Variants in TTC7B observed in about 807,000 individuals in gnomAD.
TTC7B encodes tetratricopeptide repeat protein 7B.
TTC7B carries 28 observed loss-of-function variants against 106.8 expected under a neutral mutation model. That is an observed-to-expected ratio of 0.26 (90% CI 0.19 to 0.36). The LOEUF is 0.36. Ranked by LOEUF, TTC7B falls within the 10% of genes least tolerant of loss-of-function variation. The pLI, the probability that TTC7B is intolerant of heterozygous loss-of-function variation, is 1.00. For missense variants in TTC7B, 862 were observed against 1,076.4 expected, an observed-to-expected ratio of 0.80 and a Z score of 2.79; for synonymous variants, 405 against 430.6, an observed-to-expected ratio of 0.94 and a Z score of 0.74.
chr14:90,809,733 G>A (rs1377226567), intron 1 of TTC7B, among the ~76,000 whole-genome samples: 1 of 152,258 alleles, frequency 6.6e-6, no homozygotes, highest in African/African-American at 2.4e-5. Context: ...AGCATGTGCT[G>A]TGAGCCCAAC....
intron 15 of TTC7B, among the ~76,000 whole-genome samples, chr14:90,622,700 T>A (rs1884260392): frequency 6.6e-6 from 1 of 152,130 alleles, no homozygotes. Context: ...ACTACACCAC[T>A]CTAGCCTGGG....
rs1889452400 is a variant in TTC7B, at chr14:90,537,663, G to C, written c.*3705C>G. The stretch of plus-strand genomic sequence containing the variant: ...ACCTGCTGTTCCTGCTTCCTGAGAT[G>C]TCCTCCTCCCAGGTTACCTGTCTTT... On this transcript the variant is annotated 3_prime_UTR_variant, in exon 20 of 20. Coordinates refer to ENST00000328459, the MANE Select transcript of TTC7B (RefSeq NM_001010854.2). 1 of 152,200 alleles carries C rather than the reference G, an allele frequency of 6.6e-6. No homozygotes were observed. The highest frequency in any genetic ancestry group is 1.5e-5 in the Non-Finnish European group (1 of 68,130). The allele number at this position is 152,200 out of a possible 1,614,324, so 9.4% of individuals were successfully genotyped here.
chr14:90,639,574 C>T (rs1003923844), intron 15 of TTC7B, among the ~76,000 whole-genome samples: 2 of 152,148 alleles, frequency 1.3e-5, no homozygotes, highest in South Asian at 4.1e-4. Context: ...GGCTCTTGAG[C>T]GCTGCTGATG....
intron 19 of TTC7B, among the ~76,000 whole-genome samples, chr14:90,565,329 G>A (rs1890745406): frequency 6.6e-6 from 1 of 151,258 alleles, no homozygotes; most frequent in Non-Finnish European, 1.5e-5. Flanking sequence ...GCTAACTGGT[G>A]CAAGAGGCCT....
chr14:90,655,157 T>A, intron 11 of TTC7B, 47 bp from the exon 12 acceptor site: 1 of 1,427,590 alleles, frequency 7.0e-7, no homozygotes, highest in Non-Finnish European at 9.9e-7. Context: ...GCAGAATTTC[T>A]AACATGAGTT....
Position 90,572,326 on chromosome 14 carries a change from G to A in TTC7B, c.2310+5780C>T, listed in dbSNP as rs546979146. On this transcript the variant is annotated intron_variant, in intron 19 of 19. Coordinates refer to ENST00000328459, the MANE Select transcript of TTC7B (RefSeq NM_001010854.2). ...AGTGGTGTCGTTAGTCAGCAGTGTC[G>A]TTAGTCAGCCTTTGGAGCTGTTAAA... Among the ~76,000 whole-genome samples the A allele has an allele frequency of 3.3e-5, 5 of 151,024 alleles. 1 individual carries two copies. The highest frequency in any genetic ancestry group is 1.9e-4 in the East Asian group (1 of 5,182).
intron 5 of TTC7B, among the ~76,000 whole-genome samples, chr14:90,712,636 G>T (rs1888492644): frequency 6.6e-6 from 1 of 152,088 alleles, no homozygotes; most frequent in African/African-American, 2.4e-5. Context: ...TAAATAAATG[G>T]AGAGAGGTTG....
intron 5 of TTC7B, among the ~76,000 whole-genome samples, chr14:90,720,621 T>C (rs1888857005): frequency 6.6e-6 from 1 of 152,192 alleles, no homozygotes; most frequent in Non-Finnish European, 1.5e-5. Flanking sequence ...TGCCGTCTGA[T>C]AAGGTCTTAT....
chr14:90,561,229 G>A (rs1201686747), intron 19 of TTC7B, among the ~76,000 whole-genome samples: 1 of 152,220 alleles, frequency 6.6e-6, no homozygotes, highest in East Asian at 1.9e-4. Flanking sequence ...CCCCCGAGGG[G>A]CTGGGCCGGC....
chr14:90,720,055 A>G (rs576396393), intron 5 of TTC7B, among the ~76,000 whole-genome samples: 3 of 150,042 alleles, frequency 2.0e-5, no homozygotes, highest in Admixed American at 2.0e-4. Flanking sequence ...ATCAGCTTAC[A>G]TTCATGTTAG....
rs557096519 is a variant in TTC7B at position 90,786,980 on chromosome 14, C to A, written c.122-652G>T. 8.5e-5 allele frequency among the ~76,000 whole-genome samples: 13 copies of A among 152,288 alleles called. No individual in the cohort carries two copies. In the South Asian group the frequency reaches 2.7e-3, roughly 32 times the overall value. On this transcript the variant is annotated intron_variant, in intron 1 of 19. Transcript: ENST00000328459. ...CATTATGATCTTTATAAAACACACA[C>A]AAACCCCAGTGTTACGTATTTTCAA... is the stretch of plus-strand genomic sequence containing the variant.
intron 6 of TTC7B, 135 bp downstream of exon 6, chr14:90,695,365 G>GCATATATGTCACATATATTTATAACA (rs1259105308): frequency 4.0e-6 from 1 of 248,322 alleles, no homozygotes; most frequent in African/African-American, 5.4e-5. Flanking sequence ...TATGTATAAT[G>GCATATATGTCACATATATTTATAACA]CATATATGTC....
chr14:90,711,733 AT>A (rs1207625982), intron 5 of TTC7B, among the ~76,000 whole-genome samples: 1 of 152,178 alleles, frequency 6.6e-6, no homozygotes, highest in Non-Finnish European at 1.5e-5. Flanking sequence ...AAAACAGAAA[AT>A]TTTTTCCAAA....
At chr14:90,719,901 T>G (rs1482141176) in intron 5 of TTC7B, among the ~76,000 whole-genome samples, 2 of 152,200 alleles carry the variant, frequency 1.3e-5, no homozygotes, top group South Asian at 2.1e-4. Context: ...CCTTTGAGGA[T>G]TCTTTTGGGT....
chr14:90,729,940 A>T, intron 5 of TTC7B, 135 bp downstream of exon 5: 1 of 874,404 alleles, frequency 1.1e-6, no homozygotes, highest in Non-Finnish European at 1.5e-6. Flanking sequence ...TTCATTCTTT[A>T]AAAGAAAAAA....
intron 3 of TTC7B, among the ~76,000 whole-genome samples, chr14:90,767,387 T>G (rs1361651054): frequency 3.9e-5 from 6 of 152,220 alleles, no homozygotes; most frequent in Non-Finnish European, 7.3e-5. Context: ...ATTAAAAGGA[T>G]GTACTCAAGA....
In TTC7B at chr14:90,578,197, G is replaced by A; in HGVS notation, c.2219C>T (p.Ala740Val). Reference sequence around the variant, plus strand: ...CTCGTCCATGCTTCCCCGGAGCTCAGCAATCTGGCCGCGCATGTAGAGGAC... The same window carrying A: ...CTCGTCCATGCTTCCCCGGAGCTCAACAATCTGGCCGCGCATGTAGAGGAC... ...HNVLYMRGQIAELRGSMDEAR... is the reference protein window; with the variant it reads ...HNVLYMRGQIVELRGSMDEAR... The change falls in exon 19 of 20, where the codon GCT (alanine) becomes GTT (valine). Residue 740 changes from alanine to valine, a missense_variant. Physicochemically the swap from Ala to Val is moderately conservative, Grantham distance 64. Transcript: ENST00000328459. The surrounding 1 kb of genome is among the most constrained non-coding windows in gnomAD (Gnocchi z 4.7). The A allele has an allele frequency of 6.2e-7, 1 of 1,614,198 alleles. No homozygotes were observed. Among genetic ancestry groups the A allele is most frequent in the Non-Finnish European group, 8.5e-7 (1 of 1,180,036 alleles).
chr14:90,798,252 G>C (rs1473255189), intron 1 of TTC7B, among the ~76,000 whole-genome samples: 1 of 152,152 alleles, frequency 6.6e-6, no homozygotes, highest in Non-Finnish European at 1.5e-5. Flanking sequence ...AAGTCACCGG[G>C]CTGACCCATA....
At chr14:90,646,056 A>G (rs987909192) in intron 14 of TTC7B, among the ~76,000 whole-genome samples, 16 of 152,236 alleles carry the variant, frequency 1.1e-4, no homozygotes, top group African/African-American at 3.9e-4. Flanking sequence ...TGTGAGCCAC[A>G]GTCAGGTGAC....
Sources: allele counts gnomAD v4.1 joint callset (sites outside exome capture counted in the v4.1 genomes callset), GRCh38; gene constraint gnomAD v4.1.1; non-coding constraint Gnocchi (gnomAD v3.1); transcripts MANE v1.5; gene names NCBI Gene and HGNC (gene_info 2026-07-23, HGNC 2026-07-21).